Variants in GRM7 observed in about 807,000 individuals in gnomAD.
The protein encoded by GRM7 is metabotropic glutamate receptor 7.
In GRM7, 35 loss-of-function variants were observed where a neutral mutation model predicts 84.5. The observed-to-expected ratio is 0.41, with a 90% confidence interval of 0.32 to 0.55. GRM7 has a LOEUF of 0.55. Ranked by LOEUF, GRM7 falls within the 20% of genes least tolerant of loss-of-function variation. The probability of loss-of-function intolerance (pLI) is 0.19; values close to 1 mark genes in which losing one functional copy is unlikely to be tolerated. For synonymous variants in GRM7, 487 were observed against 455.1 expected, an observed-to-expected ratio of 1.07 and a Z score of -0.89; for missense variants, 1,003 against 1,194.6, an observed-to-expected ratio of 0.84 and a Z score of 2.36.
intron 7 of GRM7, among the ~76,000 whole-genome samples, chr3:7,570,130 A>G (rs1180226943): frequency 6.6e-6 from 1 of 152,172 alleles, no homozygotes; most frequent in Non-Finnish European, 1.5e-5. Flanking sequence ...ACACATGGAA[A>G]TTGTGGGGTT....
chr3:6,894,950 G>T lies in GRM7; in HGVS notation c.519+33043G>T, dbSNP rs1178038709. Among the ~76,000 whole-genome samples, 3 of 152,170 alleles carry T rather than the reference G, an allele frequency of 2.0e-5. No homozygotes were observed. In the South Asian group the frequency reaches 6.2e-4, roughly 32 times the overall value. ...TAATAAACAGAGGCCAGTGCTCTTT[G>T]TTGGGACATTGCTTTGATCCTATAA... On this transcript the variant is annotated intron_variant, in intron 1 of 9. Coordinates refer to ENST00000357716, the MANE Select transcript of GRM7 (RefSeq NM_000844.4).
At chr3:7,413,621 A>C (rs1696036426) in intron 4 of GRM7, among the ~76,000 whole-genome samples, 1 of 152,094 alleles carries the variant, frequency 6.6e-6, no homozygotes, top group Non-Finnish European at 1.5e-5. Context: ...GTTTTGATTG[A>C]CTTATCCATT....
intron 9 of GRM7, among the ~76,000 whole-genome samples, chr3:7,683,240 G>C (rs537670430): frequency 6.6e-6 from 1 of 152,098 alleles, no homozygotes; most frequent in Non-Finnish European, 1.5e-5. Flanking sequence ...CTCAAAGAAG[G>C]CTGCCCAGGT....
intron 1 of GRM7, among the ~76,000 whole-genome samples, chr3:6,884,641 C>A (rs571285314): frequency 2.0e-5 from 3 of 152,060 alleles, no homozygotes; most frequent in African/African-American, 7.2e-5. Context: ...GCTCTGTCAC[C>A]CAGGCTGGAG....
At chr3:7,299,491 A>G (rs949207753) in intron 3 of GRM7, among the ~76,000 whole-genome samples, 1 of 152,220 alleles carries the variant, frequency 6.6e-6, no homozygotes, top group African/African-American at 2.4e-5. Context: ...TAGAATAAAC[A>G]GTAAATAAAC....
chr3:6,890,389 A>G (rs919263040), intron 1 of GRM7, among the ~76,000 whole-genome samples: 2 of 152,030 alleles, frequency 1.3e-5, no homozygotes, highest in African/African-American at 4.8e-5. Flanking sequence ...ATTTCTCTCT[A>G]CACACTGCTT....
At chr3:7,302,276 T>C (rs1445779458) in intron 3 of GRM7, among the ~76,000 whole-genome samples, 1 of 152,162 alleles carries the variant, frequency 6.6e-6, no homozygotes, top group Admixed American at 6.5e-5. Flanking sequence ...TAAGTTTTTT[T>C]ATACATACAC....
chr3:7,505,301 C>T (rs1700007236), intron 7 of GRM7, among the ~76,000 whole-genome samples: 1 of 152,194 alleles, frequency 6.6e-6, no homozygotes, highest in African/African-American at 2.4e-5. Context: ...GAGTCCCTTG[C>T]CTGCAGTTGT....
intron 4 of GRM7, among the ~76,000 whole-genome samples, chr3:7,410,514 A>G (rs1392123714): frequency 4.6e-5 from 7 of 151,728 alleles, no homozygotes; most frequent in Admixed American, 4.6e-4. Context: ...TTGAGGCTGC[A>G]TTGTGCCATG....
At chr3:6,865,302 T>A (rs190092692) in intron 1 of GRM7, among the ~76,000 whole-genome samples, 1 of 152,336 alleles carries the variant, frequency 6.6e-6, no homozygotes, top group Non-Finnish European at 1.5e-5. Flanking sequence ...AGAGGTTATA[T>A]AATACGGTGA....
In GRM7 at chr3:7,466,740, C is replaced by G. The variant is rs79374576; in HGVS notation, c.1515+5018C>G. The stretch of plus-strand genomic sequence containing the variant: ...GAAGACTGAATGAATATTATTTCCT[C>G]TTTTCTGGATAACTGAAGTTCTACA... On this transcript the variant is annotated intron_variant, in intron 7 of 9. Transcript: ENST00000357716. Among the ~76,000 whole-genome samples the G allele has an allele frequency of 5.4e-3, 827 of 152,276 alleles. 2 individuals carry two copies. Among genetic ancestry groups the G allele is most frequent in the Non-Finnish European group, 8.4e-3 (574 of 68,026 alleles).
At chr3:7,503,180 G>A (rs1699935260) in intron 7 of GRM7, among the ~76,000 whole-genome samples, 1 of 152,022 alleles carries the variant, frequency 6.6e-6, no homozygotes, top group East Asian at 1.9e-4. Context: ...AGTATTTCTG[G>A]CAAAATCACA....
intron 2 of GRM7, among the ~76,000 whole-genome samples, chr3:7,220,818 G>A (rs1403580318): frequency 6.6e-6 from 1 of 152,142 alleles, no homozygotes; most frequent in African/African-American, 2.4e-5. Context: ...GAATTTTGCA[G>A]CTTGGTACGG....
intron 1 of GRM7, among the ~76,000 whole-genome samples, chr3:6,961,962 T>A (rs1384215701): frequency 6.6e-6 from 1 of 152,186 alleles, no homozygotes; most frequent in Non-Finnish European, 1.5e-5. Flanking sequence ...GGGTTCCATA[T>A]CTCTTTTCTT....
intron 4 of GRM7, among the ~76,000 whole-genome samples, chr3:7,356,297 A>ATTTT (rs1011380269): frequency 2.0e-5 from 3 of 148,932 alleles, no homozygotes; most frequent in African/African-American, 7.4e-5. Context: ...GCAGAGGAGG[A>ATTTT]TTTTTTTTTT....
chr3:7,681,272 C>T (rs1254737370), intron 9 of GRM7: 2 of 152,182 alleles, frequency 1.3e-5, no homozygotes, highest in South Asian at 4.1e-4. Context: ...TCACGACATA[C>T]TGTATTTCAG....
At chr3:7,560,064 TAGG>T (rs976861644) in intron 7 of GRM7, among the ~76,000 whole-genome samples, 44 of 152,098 alleles carry the variant, frequency 2.9e-4, no homozygotes, top group African/African-American at 8.4e-4. Context: ...GACTTTGCGG[TAGG>T]AGGACACAAC....
At chr3:7,019,813 A>G (rs1418157097) in intron 1 of GRM7, among the ~76,000 whole-genome samples, 6 of 152,218 alleles carry the variant, frequency 3.9e-5, no homozygotes, top group African/African-American at 1.2e-4. Context: ...ACCCAATTTG[A>G]CCGAATCATC....
chr3:6,865,781 G>A (rs1350688735), intron 1 of GRM7, among the ~76,000 whole-genome samples: 3 of 151,640 alleles, frequency 2.0e-5, no homozygotes, highest in Non-Finnish European at 2.9e-5. Context: ...TCTCTCCATC[G>A]TAATCCGATA....
Sources: gnomAD v4.1 joint callset for allele counts (sites outside exome capture counted in the v4.1 genomes callset) on GRCh38, gnomAD v4.1.1 for gene constraint, MANE v1.5 for transcripts, NCBI Gene and HGNC (gene_info 2026-07-23, HGNC 2026-07-21) for gene names.